The following SLCO3A1 variants were observed in gnomAD, a reference collection of about 807,000 sequenced individuals.
The protein encoded by SLCO3A1 is PGE1 transporter.
A neutral mutation model predicts 63.1 loss-of-function variants in SLCO3A1; 27 were observed. The observed-to-expected ratio is 0.43, with a 90% CI of 0.32 to 0.59. The LOEUF (loss-of-function observed/expected upper bound fraction) is 0.59, where lower values mean the gene tolerates loss of function less well. Ranked by LOEUF, SLCO3A1 falls within the 20% of genes least tolerant of loss-of-function variation. The pLI, the probability that SLCO3A1 is intolerant of heterozygous loss-of-function variation, is 0.09. For missense variants in SLCO3A1, 773 were observed against 945.8 expected (o/e 0.82, Z 2.40); for synonymous variants, 473 against 409.9 (o/e 1.15, Z -1.86).
intron 7 of SLCO3A1, among the ~76,000 whole-genome samples, chr15:92,135,242 A>C (rs1247919611): frequency 2.6e-5 from 4 of 152,126 alleles, no homozygotes; most frequent in African/African-American, 9.7e-5. Flanking sequence ...TGATCTCCCC[A>C]CTGTGTCCTA....
At position 92,165,802 on chromosome 15, in the gene SLCO3A1, G is replaced by A. The variant is rs116123067; in HGVS notation, c.*2667G>A. 9.7e-4 allele frequency: 956 copies of A among 985,202 alleles called. 6 individuals carry two copies. In the African/African-American group the frequency reaches 0.014, roughly 14 times the overall value. 61.0% of individuals were successfully genotyped at this position (985,202 alleles called of 1,614,324 possible). The stretch of plus-strand genomic sequence containing the variant: ...CATACAACACTAGATCCAGCCCCTC[G>A]ATTATCTGTTTGGTTTCAAGTGAAT... On this transcript the variant is annotated 3_prime_UTR_variant, in exon 10 of 10. Transcript: ENST00000318445.
intron 1 of SLCO3A1, among the ~76,000 whole-genome samples, chr15:91,880,127 G>A (rs13380244): frequency 0.18 from 21,399 of 116,300 alleles, 2,051 homozygotes; most frequent in Middle Eastern, 0.27. Context: ...CCGTCCGTCC[G>A]TCCGTCCATC....
intron 7 of SLCO3A1, among the ~76,000 whole-genome samples, chr15:92,144,456 T>C (rs1270490387): frequency 6.6e-6 from 1 of 152,152 alleles, no homozygotes; most frequent in Non-Finnish European, 1.5e-5. Context: ...TTGATGATAG[T>C]CTCTAGGGAT....
intron 2 of SLCO3A1, among the ~76,000 whole-genome samples, chr15:92,018,355 G>T (rs1289660464): frequency 6.6e-6 from 1 of 152,182 alleles, no homozygotes; most frequent in Non-Finnish European, 1.5e-5. Flanking sequence ...CCTGGTGATG[G>T]TTCAGAGCAG....
At chr15:91,930,141 C>G (rs1899173294) in intron 2 of SLCO3A1, among the ~76,000 whole-genome samples, 1 of 152,152 alleles carries the variant, frequency 6.6e-6, no homozygotes, top group African/African-American at 2.4e-5. Flanking sequence ...TTGTCCTCCC[C>G]TCTCTCTTCC....
intron 2 of SLCO3A1, among the ~76,000 whole-genome samples, chr15:91,939,651 AGG>A (rs1899547654): frequency 6.6e-6 from 1 of 152,126 alleles, no homozygotes; most frequent in South Asian, 2.1e-4. Flanking sequence ...GCAGTGACAG[AGG>A]GGGTGCCAGG....
intron 1 of SLCO3A1, among the ~76,000 whole-genome samples, chr15:91,910,373 T>C (rs1198506942): frequency 6.6e-6 from 1 of 152,242 alleles, no homozygotes; most frequent in Non-Finnish European, 1.5e-5. Context: ...GTCCCCAGAC[T>C]GTAAACTCCT....
At chr15:91,963,659 A>G (rs1384400109) in intron 2 of SLCO3A1, among the ~76,000 whole-genome samples, 1 of 152,028 alleles carries the variant, frequency 6.6e-6, no homozygotes, top group African/African-American at 2.4e-5. Context: ...GTTCTTAAAG[A>G]TGATGCGTCT....
At chr15:92,041,080 G>A (rs548974792) in intron 2 of SLCO3A1, among the ~76,000 whole-genome samples, 38 of 152,206 alleles carry the variant, frequency 2.5e-4, no homozygotes, top group African/African-American at 9.2e-4. Context: ...AATTGAATGT[G>A]ATGCTCTTGT....
At position 92,164,710 on chromosome 15, in the gene SLCO3A1, G is replaced by C; in HGVS notation, c.*1575G>C. On this transcript the variant is annotated 3_prime_UTR_variant, in exon 10 of 10. Coordinates refer to ENST00000318445, the MANE Select transcript of SLCO3A1 (RefSeq NM_013272.4). ...ATTTTCAGTGTTAGTCTTGAACTAA[G>C]GCCCTTGTCTGTGTGTTTTGAAGGT... 1.0e-6 allele frequency: 1 copy of C among 985,374 alleles called. No individual in the cohort carries two copies. The highest frequency in any genetic ancestry group is 1.2e-6 in the Non-Finnish European group (1 of 829,918). The allele number at this position is 985,374 out of a possible 1,614,324, so 61.0% of individuals were successfully genotyped here. A position where few individuals can be genotyped will look rare whatever the true frequency, so the allele number is the denominator to read the frequency against.
At chr15:92,087,960 A>G (rs2047426473) in intron 2 of SLCO3A1, among the ~76,000 whole-genome samples, 1 of 152,158 alleles carries the variant, frequency 6.6e-6, no homozygotes, top group Admixed American at 6.5e-5. Context: ...AGACTTAGTG[A>G]GTCCCATGGT....
intron 2 of SLCO3A1, among the ~76,000 whole-genome samples, chr15:91,944,707 A>G (rs961678654): frequency 4.0e-5 from 6 of 151,850 alleles, no homozygotes; most frequent in African/African-American, 1.2e-4. Context: ...GCCTGCTTTG[A>G]GTTCTGAACA....
intron 2 of SLCO3A1, among the ~76,000 whole-genome samples, chr15:91,984,577 A>G (rs1309391866): frequency 1.3e-5 from 2 of 152,154 alleles, no homozygotes; most frequent in African/African-American, 4.8e-5. Flanking sequence ...CTTTGATAAC[A>G]TAGAAGGCAT....
chr15:92,109,261 G>A (rs917036111), intron 4 of SLCO3A1, among the ~76,000 whole-genome samples: 8 of 152,198 alleles, frequency 5.3e-5, no homozygotes, highest in African/African-American at 1.7e-4. Context: ...GAAGGCTCCA[G>A]TGTCTGTCTT....
chr15:91,938,482 G>GTTTTTTTT (rs71156621), intron 2 of SLCO3A1, among the ~76,000 whole-genome samples: 2 of 136,248 alleles, frequency 1.5e-5, no homozygotes, highest in Non-Finnish European at 3.2e-5. Context: ...GGTTTTTTTT[G>GTTTTTTTT]TTTTTTTTTT....
At chr15:92,102,372 A>G (rs1426953111) in intron 3 of SLCO3A1, among the ~76,000 whole-genome samples, 1 of 152,136 alleles carries the variant, frequency 6.6e-6, no homozygotes, top group Admixed American at 6.5e-5. Flanking sequence ...ATTTATATAC[A>G]TATATGTACA....
In SLCO3A1 at chr15:91,864,372, A is replaced by G. The variant is rs563798003; in HGVS notation, c.180+10284A>G. On this transcript the variant is annotated intron_variant, in intron 1 of 9. Transcript: ENST00000318445. ...TAAGCAGGTGAGCAGCCAGGAAGGAAAGACAACTGATAGTTTTAATTTTGG... is the reference window on the plus strand; with the variant it reads ...TAAGCAGGTGAGCAGCCAGGAAGGAGAGACAACTGATAGTTTTAATTTTGG... Among the ~76,000 whole-genome samples the G allele has an allele frequency of 5.3e-5, 8 of 152,342 alleles. No homozygotes were observed. The South Asian group carries it at 1.7e-3, about 32-fold the overall frequency.
chr15:91,997,949 T>C (rs2046211146), intron 2 of SLCO3A1, among the ~76,000 whole-genome samples: 1 of 152,128 alleles, frequency 6.6e-6, no homozygotes, highest in East Asian at 1.9e-4. Context: ...AATATCAGCC[T>C]TGGGAAATAA....
chr15:92,136,477 CAG>C (rs925565478), intron 7 of SLCO3A1, among the ~76,000 whole-genome samples: 2 of 152,278 alleles, frequency 1.3e-5, no homozygotes. Flanking sequence ...TGCAAGATTC[CAG>C]AGAGTCATTT....
Sources: gnomAD v4.1 joint callset for allele counts (sites outside exome capture counted in the v4.1 genomes callset) on GRCh38, gnomAD v4.1.1 for gene constraint, MANE v1.5 for transcripts, NCBI Gene and HGNC (gene_info 2026-07-23, HGNC 2026-07-21) for gene names.